MED13L: variants seen among roughly 807,000 people sequenced by gnomAD.
MED13L encodes the protein mediator of RNA polymerase II transcription subunit 13-like.
A neutral mutation model predicts 220.9 loss-of-function variants in MED13L; 7 were observed. The ratio of observed to expected loss-of-function variants is 0.03; its 90% CI spans 0.02 to 0.06. MED13L has a LOEUF of 0.06. MED13L is among the 10% of genes least tolerant of loss of function. The pLI, the probability that MED13L is intolerant of heterozygous loss-of-function variation, is 1.00. For missense variants in MED13L, 1,965 were observed against 2,760.5 expected (o/e 0.71, Z 6.46); for synonymous variants, 1,011 against 1,015.2 (o/e 1.00, Z 0.08).
chr12:116,133,766 A>G (rs1299541149), intron 2 of MED13L, among the ~76,000 whole-genome samples: 4 of 152,186 alleles, frequency 2.6e-5, no homozygotes, highest in African/African-American at 7.2e-5. Context: ...AGTCCAGAGC[A>G]TAAGAAACTG....
intron 3 of MED13L, among the ~76,000 whole-genome samples, chr12:116,099,739 A>T (rs764485361): frequency 5.3e-5 from 8 of 152,240 alleles, no homozygotes; most frequent in Non-Finnish European, 1.0e-4. Flanking sequence ...TCTGGAGGGT[A>T]GAAGAGCAGT....
At chr12:116,144,883 G>A (rs553068761) in intron 2 of MED13L, among the ~76,000 whole-genome samples, 8 of 152,262 alleles carry the variant, frequency 5.3e-5, no homozygotes, top group African/African-American at 1.7e-4. Context: ...CTACAACACC[G>A]CTTCAAGTTG....
chr12:116,028,543 C>T (rs1880536918), intron 4 of MED13L, among the ~76,000 whole-genome samples: 1 of 152,100 alleles, frequency 6.6e-6, no homozygotes, highest in Non-Finnish European at 1.5e-5. Context: ...TTTAGTACAT[C>T]CAAGATTTTC....
chr12:116,259,469 T>G (rs1872335451), intron 1 of MED13L, among the ~76,000 whole-genome samples: 2 of 152,170 alleles, frequency 1.3e-5, no homozygotes, highest in Non-Finnish European at 2.9e-5. Context: ...AATACATATG[T>G]GATTAAAACT....
At chr12:115,970,338 G>T (rs932847274) in intron 27 of MED13L, among the ~76,000 whole-genome samples, 3 of 152,174 alleles carry the variant, frequency 2.0e-5, no homozygotes, top group African/African-American at 7.2e-5. Context: ...TGCCACGCAG[G>T]TATTATTTTT....
At chr12:116,164,568 T>TCA (rs1188016411) in intron 2 of MED13L, among the ~76,000 whole-genome samples, 1 of 152,206 alleles carries the variant, frequency 6.6e-6, no homozygotes, top group African/African-American at 2.4e-5. Context: ...GTTAAAGCCT[T>TCA]CAGGCTTATC....
chr12:116,018,727 C>A (rs1388277844), intron 7 of MED13L, among the ~76,000 whole-genome samples: 1 of 151,930 alleles, frequency 6.6e-6, no homozygotes, highest in Non-Finnish European at 1.5e-5. Context: ...ATTATTAATG[C>A]AGACACTTTA....
chr12:116,006,237 T>C (rs569560510), intron 12 of MED13L, 69 bp downstream of exon 12: 13 of 1,412,530 alleles, frequency 9.2e-6, no homozygotes, highest in Admixed American at 3.4e-5. Flanking sequence ...AAATTTTACA[T>C]TGAGAAGCAT....
rs1161913962 is a variant in MED13L at position 116,156,981 on chromosome 12, T to C, written c.311-45469A>G. ...AAAACTACCGTAATAGTCCTAGGCTTTTGCTCTCAGGATATTGAGAGAGCA... is the reference window on the plus strand; with the variant it reads ...AAAACTACCGTAATAGTCCTAGGCTCTTGCTCTCAGGATATTGAGAGAGCA... On this transcript the variant is annotated intron_variant, in intron 2 of 30. Transcript: ENST00000281928. 2.0e-5 allele frequency among the ~76,000 whole-genome samples: 3 copies of C among 152,042 alleles called. No individual in the cohort carries two copies. The East Asian group carries it at 5.8e-4, about 29-fold the overall frequency.
intron 9 of MED13L, among the ~76,000 whole-genome samples, chr12:116,012,545 T>A (rs1469294184): frequency 1.3e-5 from 2 of 152,248 alleles, no homozygotes; most frequent in Non-Finnish European, 2.9e-5. Context: ...GTCAAACTGA[T>A]GCCTTTAGTT....
intron 1 of MED13L, among the ~76,000 whole-genome samples, chr12:116,266,065 A>T (rs1872808793): frequency 6.6e-6 from 1 of 152,210 alleles, no homozygotes; most frequent in African/African-American, 2.4e-5. Context: ...CCCAAGCTAG[A>T]TTTTAATAAT....
At chr12:115,978,312 G>T (rs1877089225) in intron 23 of MED13L, among the ~76,000 whole-genome samples, 1 of 149,952 alleles carries the variant, frequency 6.7e-6, no homozygotes, top group African/African-American at 2.5e-5. Flanking sequence ...CCACTGAACT[G>T]TACAATTTTT....
Position 116,158,576 on chromosome 12 carries a change from G to C in MED13L, c.311-47064C>G, listed in dbSNP as rs180830666. On this transcript the variant is annotated intron_variant, in intron 2 of 30. Coordinates refer to ENST00000281928, the MANE Select transcript of MED13L (RefSeq NM_015335.5). ...TCTAAGAATCTGAAAGAGAAAAACA[G>C]AGTATATGATGCACTCCAGTGAGAT... Among the ~76,000 whole-genome samples the C allele has an allele frequency of 1.3e-3, 191 of 152,218 alleles. 2 individuals carry two copies. Among genetic ancestry groups the C allele is most frequent in the African/African-American group, 4.3e-3 (180 of 41,550 alleles).
intron 14 of MED13L, among the ~76,000 whole-genome samples, chr12:115,997,659 T>C (rs1011414164): frequency 1.3e-5 from 2 of 152,214 alleles, no homozygotes; most frequent in East Asian, 3.9e-4. Context: ...TGGGCTCAAG[T>C]GGCCCGCCTG....
intron 2 of MED13L, among the ~76,000 whole-genome samples, chr12:116,205,314 A>C (rs1882241638): frequency 6.6e-6 from 1 of 152,066 alleles, no homozygotes; most frequent in South Asian, 2.1e-4. Context: ...AATTTTTTTC[A>C]AGTCGTGTTT....
At chr12:116,110,185 G>A (rs939885924) in intron 3 of MED13L, 3 of 152,080 alleles carry the variant, frequency 2.0e-5, no homozygotes, top group African/African-American at 4.8e-5. Context: ...GAAAGTAAGG[G>A]GATGCTCCAA....
At chr12:116,024,768 C>CGGGGGG (rs201022916) in intron 4 of MED13L, among the ~76,000 whole-genome samples, 2 of 7,724 alleles carry the variant, frequency 2.6e-4, no homozygotes, top group African/African-American at 7.1e-4. Context: ...TTTTTTTTGG[C>CGGGGGG]GGGGCGGGGG....
intron 2 of MED13L, among the ~76,000 whole-genome samples, chr12:116,176,919 T>G (rs1208604976): frequency 6.6e-6 from 1 of 151,830 alleles, no homozygotes; most frequent in East Asian, 1.9e-4. Flanking sequence ...TGAATTTGTT[T>G]ATGTGCCTGG....
At chr12:116,136,490 T>C (rs192313659) in intron 2 of MED13L, among the ~76,000 whole-genome samples, 1 of 152,114 alleles carries the variant, frequency 6.6e-6, no homozygotes, top group Non-Finnish European at 1.5e-5. Flanking sequence ...GAACGATGCA[T>C]TCACGCCAAA....
Sources: gnomAD v4.1 joint callset for allele counts (sites outside exome capture counted in the v4.1 genomes callset) on GRCh38, gnomAD v4.1.1 for gene constraint, MANE v1.5 for transcripts, NCBI Gene and HGNC (gene_info 2026-07-23, HGNC 2026-07-21) for gene names.